The following SEZ6L variants were observed in gnomAD, a reference collection of about 807,000 sequenced individuals.
SEZ6L encodes seizure related 6 homolog like.
In SEZ6L, 37 loss-of-function variants were observed where a neutral mutation model predicts 106.2. The observed-to-expected ratio is 0.35, with a 90% confidence interval of 0.27 to 0.46. SEZ6L has a LOEUF of 0.46. SEZ6L is among the 20% of genes least tolerant of loss of function. The pLI, the probability that SEZ6L is intolerant of heterozygous loss-of-function variation, is 1.00. For synonymous variants in SEZ6L, 541 were observed against 570.4 expected (o/e 0.95, Z 0.73); for missense variants, 1,172 against 1,332.8 (o/e 0.88, Z 1.88).
chr22:26,382,107 C>T lies in SEZ6L; in HGVS notation c.*1812C>T, dbSNP rs1272572088. On this transcript the variant is annotated 3_prime_UTR_variant, in exon 17 of 17. Coordinates refer to ENST00000248933, the MANE Select transcript of SEZ6L (RefSeq NM_021115.5). ...CAGAAAAGAATCTTGCACATATACT[C>T]CTGAAGGCATGAGTGTGTGGTCCAT... 63 of 511,144 alleles carry T rather than the reference C, an allele frequency of 1.2e-4. 1 individual carries two copies. The Admixed American group carries it at 1.2e-3, about 10-fold the overall frequency. 31.7% of individuals were successfully genotyped at this position (511,144 alleles called of 1,614,324 possible).
intron 1 of SEZ6L, among the ~76,000 whole-genome samples, chr22:26,193,291 A>G (rs540746936): frequency 6.6e-6 from 1 of 152,194 alleles, no homozygotes; most frequent in Non-Finnish European, 1.5e-5. Flanking sequence ...ATATGGCTTA[A>G]TGCTTCAGCA....
At chr22:26,348,699 A>AAGC (rs1569473840) in intron 11 of SEZ6L, among the ~76,000 whole-genome samples, 1 of 67,314 alleles carries the variant, frequency 1.5e-5, no homozygotes, top group Non-Finnish European at 2.9e-5. Flanking sequence ...AGAAAGAAAG[A>AAGC]AAGAAGGCAA....
intron 1 of SEZ6L, among the ~76,000 whole-genome samples, chr22:26,271,028 C>A (rs1259176614): frequency 6.6e-6 from 1 of 152,202 alleles, no homozygotes; most frequent in Non-Finnish European, 1.5e-5. Flanking sequence ...GGCCAGTCGA[C>A]CCTCAGAAGA....
intron 1 of SEZ6L, among the ~76,000 whole-genome samples, chr22:26,212,250 A>G (rs1466580852): frequency 6.6e-6 from 1 of 152,196 alleles, no homozygotes; most frequent in African/African-American, 2.4e-5. Context: ...TCTTTATCAT[A>G]AACAGAATGT....
intron 7 of SEZ6L, among the ~76,000 whole-genome samples, chr22:26,311,237 C>T (rs1180186873): frequency 2.0e-5 from 3 of 152,126 alleles, no homozygotes; most frequent in Non-Finnish European, 2.9e-5. Context: ...GCTGGGGAGC[C>T]CTGAAGCTCT....
chr22:26,226,170 C>T (rs2078628207), intron 1 of SEZ6L, among the ~76,000 whole-genome samples: 1 of 152,216 alleles, frequency 6.6e-6, no homozygotes, highest in Non-Finnish European at 1.5e-5. Flanking sequence ...TCCATCCATC[C>T]TTCACATTGC....
intron 1 of SEZ6L, among the ~76,000 whole-genome samples, chr22:26,278,668 C>T (rs1408099999): frequency 6.6e-6 from 1 of 151,840 alleles, no homozygotes; most frequent in Non-Finnish European, 1.5e-5. Context: ...CCTGGCTTCT[C>T]TTGTGGTGGG....
At chr22:26,190,781 A>G (rs1283493654) in intron 1 of SEZ6L, among the ~76,000 whole-genome samples, 2 of 152,196 alleles carry the variant, frequency 1.3e-5, no homozygotes, top group African/African-American at 2.4e-5. Context: ...AGTCACAGAG[A>G]AGTCCAGCAT....
intron 1 of SEZ6L, among the ~76,000 whole-genome samples, chr22:26,242,480 G>T (rs2079170197): frequency 6.6e-6 from 1 of 152,212 alleles, no homozygotes; most frequent in South Asian, 2.1e-4. Flanking sequence ...TTGTTGGTGA[G>T]GGTCTTGTGT....
At chr22:26,365,612 G>A (rs1278545679) in intron 13 of SEZ6L, 46 bp downstream of exon 13, 1 of 1,528,984 alleles carries the variant, frequency 6.5e-7, no homozygotes, top group South Asian at 1.2e-5. Context: ...GCCTGGAGAT[G>A]TCAGGCTCCT....
At chr22:26,319,246 T>G (rs1293037843) in intron 9 of SEZ6L, among the ~76,000 whole-genome samples, 1 of 152,106 alleles carries the variant, frequency 6.6e-6, no homozygotes, top group East Asian at 1.9e-4. Context: ...ACCTGCAGGG[T>G]CCACGCCACC....
intron 1 of SEZ6L, among the ~76,000 whole-genome samples, chr22:26,234,372 G>T (rs1446248482): frequency 6.6e-6 from 1 of 152,244 alleles, no homozygotes; most frequent in Admixed American, 6.5e-5. Flanking sequence ...TTAAGCCAAA[G>T]AAATGTTCCA....
In SEZ6L at chr22:26,365,194, G is replaced by C. The variant is rs143469998; in HGVS notation, c.2600-178G>C. 7.2e-5 allele frequency among the ~76,000 whole-genome samples: 11 copies of C among 152,288 alleles called. 1 individual carries two copies. The East Asian group carries it at 2.1e-3, about 29-fold the overall frequency. On this transcript the variant is annotated intron_variant, in intron 12 of 16. Transcript: ENST00000248933. ...TCTACCTTGCCTGTATGTAATCTGT[G>C]CCCAGAGGTGGAAGACAGAAAGAAC...
chr22:26,284,000 A>G (rs1258229491), intron 1 of SEZ6L, among the ~76,000 whole-genome samples: 1 of 152,248 alleles, frequency 6.6e-6, no homozygotes, highest in Non-Finnish European at 1.5e-5. Flanking sequence ...GTAAATGTTC[A>G]GACAGATAGA....
intron 6 of SEZ6L, 53 bp downstream of exon 6, chr22:26,306,197 C>T (rs2081626929): frequency 2.5e-6 from 4 of 1,586,892 alleles, no homozygotes; most frequent in Non-Finnish European, 3.4e-6. Context: ...AATATTAGAA[C>T]ATGGCTTGAG....
chr22:26,356,444 C>T (rs762981172), intron 12 of SEZ6L, among the ~76,000 whole-genome samples: 4 of 151,754 alleles, frequency 2.6e-5, no homozygotes, highest in Non-Finnish European at 5.9e-5. Flanking sequence ...GGGTTCGAGA[C>T]CAGCCTGGCC....
intron 9 of SEZ6L, among the ~76,000 whole-genome samples, chr22:26,325,572 G>A (rs2082281496): frequency 6.6e-6 from 1 of 152,128 alleles, no homozygotes; most frequent in South Asian, 2.1e-4. Flanking sequence ...TCAGCATGTG[G>A]GAGACACTCT....
At chr22:26,367,245 AAG>A (rs1177903865) in intron 13 of SEZ6L, among the ~76,000 whole-genome samples, 1 of 152,148 alleles carries the variant, frequency 6.6e-6, no homozygotes, top group African/African-American at 2.4e-5. Context: ...GCCTTAAAAA[AAG>A]AGTCTCCGTA....
At chr22:26,215,734 T>C (rs1356763639) in intron 1 of SEZ6L, among the ~76,000 whole-genome samples, 2 of 152,104 alleles carry the variant, frequency 1.3e-5, no homozygotes, top group Admixed American at 6.5e-5. Flanking sequence ...CAGCCTGAGG[T>C]GGGTTTGGAT....
Sources: gnomAD v4.1 joint callset for allele counts (sites outside exome capture counted in the v4.1 genomes callset) on GRCh38, gnomAD v4.1.1 for gene constraint, MANE v1.5 for transcripts, NCBI Gene and HGNC (gene_info 2026-07-23, HGNC 2026-07-21) for gene names.